The following GLCE variants were observed in gnomAD, a reference collection of about 807,000 sequenced individuals.
GLCE encodes the protein D-glucuronyl C5-epimerase.
Under a neutral mutation model 47.9 loss-of-function variants are expected in GLCE, and 19 were observed. The ratio of observed to expected loss-of-function variants is 0.40; its 90% CI spans 0.28 to 0.58. The LOEUF is 0.58. Among genes scored for constraint, GLCE ranks in the 20% least tolerant of loss-of-function variants. The probability of loss-of-function intolerance (pLI) is 0.48; values close to 1 mark genes in which losing one functional copy is unlikely to be tolerated. For missense variants in GLCE, 556 were observed against 743.3 expected (o/e 0.75, Z 2.93); for synonymous variants, 245 against 263.4 (o/e 0.93, Z 0.68).
rs1418229503 is a variant in GLCE at position 69,209,141 on chromosome 15, T to C, written c.-104-1175T>C. ...CATTTGGTTCTTCTTTTATCTTCTA[T>C]TTTTTTTTCTGAGTTTATCTCTGTT... On this transcript the variant is annotated intron_variant, in intron 1 of 4. Coordinates refer to ENST00000261858, the MANE Select transcript of GLCE (RefSeq NM_015554.3). 2.0e-5 allele frequency among the ~76,000 whole-genome samples: 3 copies of C among 151,140 alleles called. No homozygotes were observed. The East Asian group carries it at 5.8e-4, about 29-fold the overall frequency.
chr15:69,261,022 A>G, intron 3 of GLCE, 65 bp from the exon 4 acceptor site: 1 of 1,420,538 alleles, frequency 7.0e-7, no homozygotes, highest in South Asian at 1.3e-5. Flanking sequence ...TCAGTGAGGA[A>G]TGGTATTAGG....
In GLCE at chr15:69,269,212, T is replaced by C. The variant is rs2053130228; in HGVS notation, c.1822T>C (p.Tyr608His). The C allele has an allele frequency of 6.2e-7, 1 of 1,614,074 alleles. No individual in the cohort carries two copies. The highest frequency in any genetic ancestry group is 8.5e-7 in the Non-Finnish European group (1 of 1,179,974). ...FKEFVKRWKS[Y>H]LKGSRAKHN Reference sequence around the variant, plus strand: ...AGAATTTGTCAAGAGGTGGAAAAGCTACCTTAAAGGCAGCAGGGCAAAGCA... The same window carrying C: ...AGAATTTGTCAAGAGGTGGAAAAGCCACCTTAAAGGCAGCAGGGCAAAGCA... Residue 608 changes from tyrosine to histidine, a missense_variant, in exon 5 of 5, where the codon TAC becomes CAC. Transcript: ENST00000261858.
At chr15:69,261,037 G>A (rs755691693) in intron 3 of GLCE, 50 bp from the exon 4 acceptor site, 1 of 1,548,764 alleles carries the variant, frequency 6.5e-7, no homozygotes. Context: ...ATTAGGAATA[G>A]GCTTGTAATG....
chr15:69,202,522 C>T (rs1566954719), intron 1 of GLCE, among the ~76,000 whole-genome samples: 2 of 152,054 alleles, frequency 1.3e-5, no homozygotes, highest in African/African-American at 4.8e-5. Context: ...GGTATTCTTA[C>T]CAATCGTTAA....
chr15:69,164,630 T>C (rs1450942291), intron 1 of GLCE, among the ~76,000 whole-genome samples: 4 of 151,848 alleles, frequency 2.6e-5, no homozygotes, highest in Non-Finnish European at 5.9e-5. Context: ...GTATTGTATG[T>C]ACAAAAAGGA....
chr15:69,242,821 G>C (rs1032679751), intron 2 of GLCE, among the ~76,000 whole-genome samples: 1 of 151,804 alleles, frequency 6.6e-6, no homozygotes, highest in African/African-American at 2.4e-5. Flanking sequence ...GAGGCAGGGG[G>C]TGTTGCTTGA....
At chr15:69,268,154 A>G (rs2053111368) in intron 4 of GLCE, 66 bp from the exon 5 acceptor site, 2 of 1,000,740 alleles carry the variant, frequency 2.0e-6, no homozygotes, top group Non-Finnish European at 3.0e-6. Context: ...ATGAATTGCA[A>G]TTCAATTTCA....
At chr15:69,166,269 G>A (rs186267638) in intron 1 of GLCE, among the ~76,000 whole-genome samples, 140 of 152,278 alleles carry the variant, frequency 9.2e-4, no homozygotes, top group South Asian at 1.7e-3. Flanking sequence ...TATCTACTAA[G>A]ATGCAGACTA....
At chr15:69,244,151 C>T (rs1458955171) in intron 2 of GLCE, among the ~76,000 whole-genome samples, 1 of 152,088 alleles carries the variant, frequency 6.6e-6, no homozygotes, top group East Asian at 1.9e-4. Context: ...CATTTGTAAG[C>T]TATTGCTGGA....
chr15:69,188,980 A>G (rs547751011), intron 1 of GLCE, among the ~76,000 whole-genome samples: 6 of 152,192 alleles, frequency 3.9e-5, no homozygotes, highest in African/African-American at 7.2e-5. Flanking sequence ...CCACTTCAAC[A>G]TTTCACACCA....
At chr15:69,178,125 A>C (rs1252534742) in intron 1 of GLCE, among the ~76,000 whole-genome samples, 1 of 152,164 alleles carries the variant, frequency 6.6e-6, no homozygotes, top group Non-Finnish European at 1.5e-5. Context: ...TGACTAGGTC[A>C]CAGGGTAGGT....
At position 69,258,146 on chromosome 15, in the gene GLCE, C is replaced by T. The variant is rs138922072; in HGVS notation, c.586+1754C>T. Among the ~76,000 whole-genome samples, 53 of 152,152 alleles carry T rather than the reference C, an allele frequency of 3.5e-4. No homozygotes were observed. The East Asian group carries it at 8.5e-3, about 24-fold the overall frequency. ...TTATTTTTCTGATCCTCGCCCGCCA[C>T]CTACCCTCTACCCTCCAGAGGCCCC... On this transcript the variant is annotated intron_variant, in intron 3 of 4. Coordinates refer to ENST00000261858, the MANE Select transcript of GLCE (RefSeq NM_015554.3).
chr15:69,249,954 G>GATGCTT (rs1363272899), intron 2 of GLCE, among the ~76,000 whole-genome samples: 1 of 152,018 alleles, frequency 6.6e-6, no homozygotes, highest in Non-Finnish European at 1.5e-5. Flanking sequence ...GTTTCTTTAT[G>GATGCTT]ATGCTTACTG....
chr15:69,269,554 G>T lies in GLCE; in HGVS notation c.*310G>T. On this transcript the variant is annotated 3_prime_UTR_variant, in exon 5 of 5. Transcript: ENST00000261858. ...AGTCACTCTATGTGAGAAAGATAAT[G>T]GTAAGTAGTTGCTACTGGCCAACTG... 7.1e-6 allele frequency: 2 copies of T among 282,568 alleles called. No individual in the cohort carries two copies. Among genetic ancestry groups the T allele is most frequent in the Non-Finnish European group, 6.6e-6 (1 of 150,992 alleles). The allele number at this position is 282,568 out of a possible 1,614,324, so 17.5% of individuals were successfully genotyped here. A position where few individuals can be genotyped will look rare whatever the true frequency, so the allele number is the denominator to read the frequency against.
At chr15:69,195,596 C>CA (rs1339821983) in intron 1 of GLCE, among the ~76,000 whole-genome samples, 1 of 152,068 alleles carries the variant, frequency 6.6e-6, no homozygotes, top group African/African-American at 2.4e-5. Flanking sequence ...TTTTTAAAAT[C>CA]AGTCGTGTTG....
Position 69,268,276 on chromosome 15 carries a change from T to G in GLCE, c.886T>G (p.Phe296Val). 1 of 1,612,234 alleles carries G rather than the reference T, an allele frequency of 6.2e-7. No individual in the cohort carries two copies. Among genetic ancestry groups the G allele is most frequent in the Non-Finnish European group, 8.5e-7 (1 of 1,179,132 alleles). ...LGNTKDFIISFDLKFLTNGSV... is the reference protein window; with the variant it reads ...LGNTKDFIISVDLKFLTNGSV... The stretch of plus-strand genomic sequence containing the variant: ...AAACACAAAAGATTTTATTATTTCA[T>G]TTGACCTCAAGTTCTTGACAAATGG... The change falls in exon 5 of 5, where the codon TTT becomes GTT. Residue 296 changes from phenylalanine (F) to valine (V), a missense_variant. Around this residue, in one of 3 missense-constraint regions of GLCE, gnomAD observed 74 missense variants for 64.4 expected, o/e 1.15. Coordinates refer to ENST00000261858, the MANE Select transcript of GLCE (RefSeq NM_015554.3).
At chr15:69,230,429 T>C (rs1490909179) in intron 2 of GLCE, among the ~76,000 whole-genome samples, 1 of 152,114 alleles carries the variant, frequency 6.6e-6, no homozygotes, top group Admixed American at 6.5e-5. Context: ...TTAAAATAGA[T>C]GAAGGAAAAT....
chr15:69,173,044 G>A (rs755045257), intron 1 of GLCE, among the ~76,000 whole-genome samples: 1 of 152,154 alleles, frequency 6.6e-6, no homozygotes, highest in Non-Finnish European at 1.5e-5. Flanking sequence ...GCAGAGGTGT[G>A]TGCCTGGGTG....
intron 1 of GLCE, among the ~76,000 whole-genome samples, chr15:69,186,613 G>A (rs924748963): frequency 5.3e-5 from 8 of 152,194 alleles, no homozygotes; most frequent in Non-Finnish European, 1.2e-4. Flanking sequence ...AGTATCTAAG[G>A]TGTATCAGAA....
Sources: gnomAD v4.1 joint callset for allele counts (sites outside exome capture counted in the v4.1 genomes callset) on GRCh38, gnomAD v4.1.1 for gene constraint, gnomAD v4.1.1 regional missense constraint, MANE v1.5 for transcripts, NCBI Gene and HGNC (gene_info 2026-07-23, HGNC 2026-07-21) for gene names.